Variants in CCND2 observed in about 807,000 individuals in gnomAD.
CCND2 encodes cyclin D2, also known as G1/S-specific cyclin-D2.
Under a neutral mutation model 30.2 loss-of-function variants are expected in CCND2, and 6 were observed. The observed-to-expected ratio is 0.20, with a 90% CI of 0.11 to 0.39. CCND2 has a LOEUF of 0.39. Ranked by LOEUF, CCND2 falls within the 10% of genes least tolerant of loss-of-function variation. The pLI, the probability that CCND2 is intolerant of heterozygous loss-of-function variation, is 1.00. For synonymous variants in CCND2, 150 were observed against 153.1 expected (o/e 0.98, Z 0.15); for missense variants, 235 against 373.4 (o/e 0.63, Z 3.06).
intron 4 of CCND2, among the ~76,000 whole-genome samples, chr12:4,290,968 G>T (rs186294837): frequency 6.6e-6 from 1 of 152,116 alleles, no homozygotes; most frequent in Non-Finnish European, 1.5e-5. Context: ...ATGGGCACAC[G>T]CCGTGTTTCC....
chr12:4,276,103 G>T lies in CCND2; in HGVS notation c.294G>T (p.Leu98=), dbSNP rs200880354. Residue 98 remains leucine (L), a synonymous_variant, in exon 2 of 5, where the codon CTG becomes CTT. Coordinates refer to ENST00000261254, the MANE Select transcript of CCND2 (RefSeq NM_001759.4). This position sits in a 1 kb window ranked among gnomAD's most constrained non-coding sequence, Gnocchi z 4.8. ...LAGVPTPKSH[L]QLLGAVCMFL... is the part of the protein sequence containing the mutation. ...GGGTCCCGACTCCGAAGTCCCATCT[G>T]CAACTCCTGGGTGCTGTCTGCATGT... The T allele has an allele frequency of 6.2e-7, 1 of 1,613,852 alleles. No individual in the cohort carries two copies. Among genetic ancestry groups the T allele is most frequent in the African/African-American group, 1.3e-5 (1 of 74,892 alleles).
At chr12:4,298,784 C>T (rs549677314) in intron 4 of CCND2, among the ~76,000 whole-genome samples, 11 of 152,334 alleles carry the variant, frequency 7.2e-5, no homozygotes, top group East Asian at 1.9e-4. Flanking sequence ...AGCAAGTCTA[C>T]GGTTTGCACC....
rs2120596254 is a variant in CCND2, at chr12:4,300,973, A to G, written c.*964A>G. On this transcript the variant is annotated 3_prime_UTR_variant, in exon 5 of 5. Transcript: ENST00000261254. ...GCATTGTTATAAACCATTCCATTCG[A>G]AAAGCACTTTGAAAAATTGTTCCCG... The G allele has an allele frequency of 4.3e-6, 1 of 233,754 alleles. No individual in the cohort carries two copies. Among genetic ancestry groups the G allele is most frequent in the East Asian group, 6.0e-5 (1 of 16,592 alleles). 14.5% of individuals were successfully genotyped at this position (233,754 alleles called of 1,614,324 possible). A position where few individuals can be genotyped will look rare whatever the true frequency, so the allele number is the denominator to read the frequency against.
rs1312728953 is a variant in CCND2, at chr12:4,303,794, C to T, written c.*3785C>T. 8.6e-6 allele frequency: 2 copies of T among 233,322 alleles called. No individual in the cohort carries two copies. The highest frequency in any genetic ancestry group is 1.7e-5 in the Non-Finnish European group (2 of 118,104). The allele number at this position is 233,322 out of a possible 1,614,324, so 14.5% of individuals were successfully genotyped here. A position where few individuals can be genotyped will look rare whatever the true frequency, so the allele number is the denominator to read the frequency against. On this transcript the variant is annotated 3_prime_UTR_variant, in exon 5 of 5. Transcript: ENST00000261254. The surrounding 1 kb of genome is among the most constrained non-coding windows in gnomAD (Gnocchi z 4.6). ...CAGGAGGCCTTATTTTGAACTGCCT[C>T]AGGACCCCACTGGAGAGCACAGCAT...
In CCND2 at chr12:4,285,312, T is replaced by C; in HGVS notation, c.572-3530T>C. The C allele has an allele frequency of 4.1e-6, 4 of 985,390 alleles. No homozygotes were observed. Among genetic ancestry groups the C allele is most frequent in the Non-Finnish European group, 4.8e-6 (4 of 829,934 alleles). 61.0% of individuals were successfully genotyped at this position (985,390 alleles called of 1,614,324 possible). A position where few individuals can be genotyped will look rare whatever the true frequency, so the allele number is the denominator to read the frequency against. ...CAGGAAGTCACCAGCATCTCACCTC[T>C]CCAGGTGGGCAATTAACGATGGCGA... On this transcript the variant is annotated intron_variant, in intron 3 of 4. Coordinates refer to ENST00000261254, the MANE Select transcript of CCND2 (RefSeq NM_001759.4). The surrounding 1 kb of genome is among the most constrained non-coding windows in gnomAD (Gnocchi z 4.1).
intron 4 of CCND2, among the ~76,000 whole-genome samples, chr12:4,294,517 G>A (rs545781840): frequency 2.6e-5 from 4 of 152,288 alleles, no homozygotes; most frequent in South Asian, 2.1e-4. Context: ...GATTAGAGGC[G>A]CTTTCGTGTT....
intron 3 of CCND2, among the ~76,000 whole-genome samples, chr12:4,286,940 G>A (rs966884738): frequency 6.6e-6 from 1 of 152,240 alleles, no homozygotes; most frequent in Admixed American, 6.5e-5. Flanking sequence ...CAGGGCCATG[G>A]GCCGGCTGCC....
rs1265846169 is a variant in CCND2 at position 4,302,549 on chromosome 12, C to G, written c.*2540C>G. On this transcript the variant is annotated 3_prime_UTR_variant, in exon 5 of 5. Transcript: ENST00000261254. The stretch of plus-strand genomic sequence containing the variant: ...GGTCTGAATCTGCGAGTAGATGAAC[C>G]TGCAGCAAGCAGCGTTTATGGTGCT... The G allele has an allele frequency of 2.6e-5, 6 of 233,066 alleles. 1 individual carries two copies. The highest frequency in any genetic ancestry group is 6.6e-5 in the African/African-American group (3 of 45,310). The allele number at this position is 233,066 out of a possible 1,614,324, so 14.4% of individuals were successfully genotyped here.
rs1863870570 is a variant in CCND2 at position 4,276,139 on chromosome 12, C to T, written c.330C>T (p.Ser110=). ...GTGCTGTCTGCATGTTCCTGGCCTC[C>T]AAACTCAAAGAGACCAGCCCGCTGA... ...LLGAVCMFLA[S]KLKETSPLTA... The change falls in exon 2 of 5, where the codon TCC becomes TCT. Residue 110 remains serine (S), a synonymous_variant. Coordinates refer to ENST00000261254, the MANE Select transcript of CCND2 (RefSeq NM_001759.4). This position sits in a 1 kb window ranked among gnomAD's most constrained non-coding sequence, Gnocchi z 4.8. 3.7e-6 allele frequency: 6 copies of T among 1,614,224 alleles called. No homozygotes were observed. Among genetic ancestry groups the T allele is most frequent in the Non-Finnish European group, 5.1e-6 (6 of 1,180,042 alleles).
intron 2 of CCND2, among the ~76,000 whole-genome samples, chr12:4,278,391 T>C (rs1863901487): frequency 6.6e-6 from 1 of 152,040 alleles, no homozygotes; most frequent in African/African-American, 2.4e-5. Context: ...AGGGCCACAA[T>C]GACCTTGGCC....
rs1326140980 is a variant in CCND2, at chr12:4,299,806, T to A, written c.721-54T>A. ...AATTACGCATGTTTTCTCCGTAGGA[T>A]GCTCTATGTCCTGTTCCTCTTACTA... On this transcript the variant is annotated intron_variant, in intron 4 of 4. Transcript: ENST00000261254. The surrounding 1 kb of genome is among the most constrained non-coding windows in gnomAD (Gnocchi z 5.2). The A allele has an allele frequency of 2.0e-5, 31 of 1,524,414 alleles. No homozygotes were observed. The highest frequency in any genetic ancestry group is 2.7e-5 in the Non-Finnish European group (30 of 1,114,892). The allele number at this position is 1,524,414 out of a possible 1,614,324, so 94.4% of individuals were successfully genotyped here. A position where few individuals can be genotyped will look rare whatever the true frequency, so the allele number is the denominator to read the frequency against.
chr12:4,300,238 A>G lies in CCND2; in HGVS notation c.*229A>G. The stretch of plus-strand genomic sequence containing the variant: ...AGTACAGCATAAGGGAATCCCTTGT[A>G]TATGCGAACAGTTATTGTTTGATTA... On this transcript the variant is annotated 3_prime_UTR_variant, in exon 5 of 5. Transcript: ENST00000261254. 1 of 463,206 alleles carries G rather than the reference A, an allele frequency of 2.2e-6. No homozygotes were observed. Among genetic ancestry groups the G allele is most frequent in the Non-Finnish European group, 3.9e-6 (1 of 259,240 alleles). The allele number at this position is 463,206 out of a possible 1,614,324, so 28.7% of individuals were successfully genotyped here.
rs796323227 is a variant in CCND2, at chr12:4,301,460, T to C, written c.*1451T>C. The C allele has an allele frequency of 2.1e-5, 5 of 232,728 alleles. No individual in the cohort carries two copies. Among genetic ancestry groups the C allele is most frequent in the African/African-American group, 1.1e-4 (5 of 45,284 alleles). 14.4% of individuals were successfully genotyped at this position (232,728 alleles called of 1,614,324 possible). On this transcript the variant is annotated 3_prime_UTR_variant, in exon 5 of 5. Transcript: ENST00000261254. ...TAGAGGCATTCAGTTAGCAAAGAGG[T>C]TGGAGCAACAACTTTTTTTTTTTTT...
intron 4 of CCND2, among the ~76,000 whole-genome samples, chr12:4,294,340 C>T (rs1864139463): frequency 6.6e-6 from 1 of 151,986 alleles, no homozygotes; most frequent in Non-Finnish European, 1.5e-5. Flanking sequence ...TCTGCCCGAC[C>T]GCCAGCGCGG....
rs746701215 is a variant in CCND2, at chr12:4,282,380, C to T, written c.571+3461C>T. On this transcript the variant is annotated intron_variant, in intron 3 of 4. Coordinates refer to ENST00000261254, the MANE Select transcript of CCND2 (RefSeq NM_001759.4). This position sits in a 1 kb window ranked among gnomAD's most constrained non-coding sequence, Gnocchi z 4.3. Reference sequence around the variant, plus strand: ...GCCAAGGCCAGAGCCCCATTGTTGACTAGAACCCATTGTGCTGTCCTAGCC... The same window carrying T: ...GCCAAGGCCAGAGCCCCATTGTTGATTAGAACCCATTGTGCTGTCCTAGCC... Among the ~76,000 whole-genome samples, 2 of 152,216 alleles carry T rather than the reference C, an allele frequency of 1.3e-5. No homozygotes were observed. Among genetic ancestry groups the T allele is most frequent in the African/African-American group, 2.4e-5 (1 of 41,454 alleles).
At chr12:4,277,522 G>A (rs532549804) in intron 2 of CCND2, among the ~76,000 whole-genome samples, 15 of 152,328 alleles carry the variant, frequency 9.8e-5, no homozygotes, top group African/African-American at 2.2e-4. Flanking sequence ...CATTTGTTTC[G>A]AGAGGATGGT....
chr12:4,300,807 G>A lies in CCND2; in HGVS notation c.*798G>A, dbSNP rs537367441. ...GCCATAACCAAAACTCACATGAAACGGAGGCAGATGGAGACCAAGGGTGGG... is the reference window on the plus strand; with the variant it reads ...GCCATAACCAAAACTCACATGAAACAGAGGCAGATGGAGACCAAGGGTGGG... On this transcript the variant is annotated 3_prime_UTR_variant, in exon 5 of 5. Coordinates refer to ENST00000261254, the MANE Select transcript of CCND2 (RefSeq NM_001759.4). 1.5e-4 allele frequency: 34 copies of A among 233,696 alleles called. No homozygotes were observed. Among genetic ancestry groups the A allele is most frequent in the African/African-American group, 7.0e-4 (32 of 45,456 alleles). The allele number at this position is 233,696 out of a possible 1,614,324, so 14.5% of individuals were successfully genotyped here. A position where few individuals can be genotyped will look rare whatever the true frequency, so the allele number is the denominator to read the frequency against.
In CCND2 at chr12:4,305,084, T is replaced by C. The variant is rs560483986; in HGVS notation, c.*5075T>C. 1.5e-4 allele frequency: 36 copies of C among 233,046 alleles called. No homozygotes were observed. The highest frequency in any genetic ancestry group is 3.1e-4 in the Non-Finnish European group (36 of 117,966). The allele number at this position is 233,046 out of a possible 1,614,324, so 14.4% of individuals were successfully genotyped here. A position where few individuals can be genotyped will look rare whatever the true frequency, so the allele number is the denominator to read the frequency against. On this transcript the variant is annotated 3_prime_UTR_variant, in exon 5 of 5. Transcript: ENST00000261254. The surrounding 1 kb of genome is among the most constrained non-coding windows in gnomAD (Gnocchi z 6.4). ...CAGTGTACTCTATAAGAGGTGTGGG[T>C]GTCTGTTTGGTCAGGATGTTAGAAA...
intron 4 of CCND2, among the ~76,000 whole-genome samples, chr12:4,295,140 G>A (rs956244472): frequency 1.3e-5 from 2 of 152,202 alleles, no homozygotes; most frequent in African/African-American, 4.8e-5. Flanking sequence ...GTATTCATAT[G>A]CAAGGCATGA....
Sources: allele counts gnomAD v4.1 joint callset (sites outside exome capture counted in the v4.1 genomes callset), GRCh38; gene constraint gnomAD v4.1.1; non-coding constraint Gnocchi (gnomAD v3.1); transcripts MANE v1.5; gene names NCBI Gene and HGNC (gene_info 2026-07-23, HGNC 2026-07-21).